Variants in ATF7IP observed in about 807,000 individuals in gnomAD.
The protein encoded by ATF7IP is activating transcription factor 7-interacting protein 1.
ATF7IP carries 23 observed loss-of-function variants against 106.4 expected under a neutral mutation model. The ratio of observed to expected loss-of-function variants is 0.22; its 90% confidence interval spans 0.16 to 0.31. The LOEUF is 0.31. Among genes scored for constraint, ATF7IP ranks in the 10% least tolerant of loss-of-function variants. The pLI is 1.00. For missense variants in ATF7IP, 1,334 were observed against 1,524.3 expected, an observed-to-expected ratio of 0.88 and a Z score of 2.08; for synonymous variants, 542 against 539.0, an observed-to-expected ratio of 1.01 and a Z score of -0.08.
chr12:14,450,506 A>G (rs1461105179), intron 6 of ATF7IP, among the ~76,000 whole-genome samples: 1 of 152,198 alleles, frequency 6.6e-6, no homozygotes, highest in East Asian at 1.9e-4. Context: ...CATTCCTCAG[A>G]TAAACCAACT....
chr12:14,390,590 TAAATG>T (rs990180530), intron 1 of ATF7IP, among the ~76,000 whole-genome samples: 9 of 152,226 alleles, frequency 5.9e-5, no homozygotes, highest in African/African-American at 1.9e-4. Context: ...ACTGAACAGA[TAAATG>T]AAATAACATT....
intron 10 of ATF7IP, among the ~76,000 whole-genome samples, chr12:14,475,401 T>C (rs1944223718): frequency 6.6e-6 from 1 of 152,340 alleles, no homozygotes; most frequent in East Asian, 1.9e-4. Flanking sequence ...GATGATGGGT[T>C]ACTGGTCAGC....
intron 1 of ATF7IP, among the ~76,000 whole-genome samples, chr12:14,390,200 C>T (rs954676376): frequency 2.6e-5 from 4 of 152,190 alleles, no homozygotes; most frequent in African/African-American, 9.6e-5. Context: ...AATATAACTT[C>T]TAACCCAAAA....
At chr12:14,407,822 A>G (rs1310621524) in intron 1 of ATF7IP, among the ~76,000 whole-genome samples, 1 of 152,148 alleles carries the variant, frequency 6.6e-6, no homozygotes, top group Admixed American at 6.5e-5. Flanking sequence ...ATAAGACACT[A>G]CTTTTTGTGG....
In ATF7IP at chr12:14,457,244, A is replaced by G; in HGVS notation, c.2107A>G (p.Arg703Gly). Residue 703 changes from arginine to glycine, a missense_variant, in exon 8 of 15, where the codon AGA becomes GGA. By Grantham distance (125) the Arg-to-Gly change is moderately radical. Coordinates refer to ENST00000261168, the MANE Select transcript of ATF7IP (RefSeq NM_018179.5). ...GTVRQMLESK[R>G]NVSESAPPSF... ...AGTGAGACAGATGCTGGAGTCCAAA[A>G]GAAATGTAAGCGAGAGTGCACCACC... 1.2e-6 allele frequency: 2 copies of G among 1,613,968 alleles called. No homozygotes were observed. Among genetic ancestry groups the G allele is most frequent in the Non-Finnish European group, 1.7e-6 (2 of 1,179,968 alleles).
chr12:14,370,749 CAA>C lies in ATF7IP; in HGVS notation c.-8+4923_-8+4924del, dbSNP rs780593620. ...ATTTTAGTAGGGATGAATTAGGAGA[CAA>C]TATAAGGTTATATTTCTGTTTTCAA... is the stretch of plus-strand genomic sequence containing the variant. On this transcript the variant is annotated intron_variant, in intron 1 of 14. Coordinates refer to ENST00000261168, the MANE Select transcript of ATF7IP (RefSeq NM_018179.5). Among the ~76,000 whole-genome samples the C allele has an allele frequency of 3.6e-4, 54 of 151,928 alleles. 1 individual carries two copies. Among genetic ancestry groups the C allele is most frequent in the Admixed American group, 5.2e-4 (8 of 15,268 alleles).
chr12:14,443,298 T>C (rs953937651), intron 5 of ATF7IP, among the ~76,000 whole-genome samples: 6 of 152,198 alleles, frequency 3.9e-5, no homozygotes, highest in African/African-American at 1.4e-4. Context: ...TCTTGTCTGA[T>C]GTAAACTGTT....
At chr12:14,382,853 A>G (rs1939052901) in intron 1 of ATF7IP, among the ~76,000 whole-genome samples, 1 of 152,214 alleles carries the variant, frequency 6.6e-6, no homozygotes, top group South Asian at 2.1e-4. Flanking sequence ...AGATATTGAG[A>G]GAGTAATGAT....
intron 13 of ATF7IP, among the ~76,000 whole-genome samples, chr12:14,483,828 A>G (rs917222660): frequency 2.0e-5 from 3 of 152,124 alleles, no homozygotes; most frequent in African/African-American, 7.2e-5. Context: ...AAAGGGGAAC[A>G]TGGTAAGACC....
intron 1 of ATF7IP, among the ~76,000 whole-genome samples, chr12:14,386,448 A>G (rs889805348): frequency 1.3e-5 from 2 of 152,150 alleles, no homozygotes; most frequent in Non-Finnish European, 2.9e-5. Context: ...GTAGAGTATT[A>G]AGAATATATC....
At position 14,481,047 on chromosome 12, in the gene ATF7IP, A is replaced by T. The variant is rs755408285; in HGVS notation, c.3142A>T (p.Thr1048Ser). The T allele has an allele frequency of 2.5e-6, 4 of 1,613,972 alleles. No homozygotes were observed. In the Admixed American group the frequency reaches 5.0e-5, roughly 20 times the overall value. The change falls in exon 13 of 15, where the codon ACC becomes TCC. Residue 1048 changes from threonine (T) to serine (S), a missense_variant. Physicochemically the swap from Thr to Ser is moderately conservative, Grantham distance 58. Coordinates refer to ENST00000261168, the MANE Select transcript of ATF7IP (RefSeq NM_018179.5). The stretch of plus-strand genomic sequence containing the variant: ...AACACATCGTCCAGTAACTCAGGTG[A>T]CCACAAGACTCCCTGTACCAAGAGC... ...NVTHRPVTQVTTRLPVPRAPA... is the reference protein window; with the variant it reads ...NVTHRPVTQVSTRLPVPRAPA...
At chr12:14,391,998 G>C (rs1022386194) in intron 1 of ATF7IP, among the ~76,000 whole-genome samples, 4 of 152,210 alleles carry the variant, frequency 2.6e-5, no homozygotes, top group Non-Finnish European at 5.9e-5. Flanking sequence ...TGGGATTACA[G>C]GTGTGAGCCA....
intron 13 of ATF7IP, among the ~76,000 whole-genome samples, chr12:14,492,366 G>T (rs1005575569): frequency 2.0e-5 from 3 of 152,088 alleles, no homozygotes; most frequent in Non-Finnish European, 4.4e-5. Context: ...AGTTACCCTG[G>T]TAAAAGGCCA....
At chr12:14,473,290 C>CTGTG (rs869266316) in intron 10 of ATF7IP, among the ~76,000 whole-genome samples, 9 of 130,028 alleles carry the variant, frequency 6.9e-5, no homozygotes, top group African/African-American at 2.7e-4. Context: ...CTCTCTCTCT[C>CTGTG]TGTGTGTGTG....
At chr12:14,471,072 G>T (rs73306120) in intron 10 of ATF7IP, among the ~76,000 whole-genome samples, 10 of 152,012 alleles carry the variant, frequency 6.6e-5, no homozygotes, top group Non-Finnish European at 1.2e-4. Context: ...GTTTAATTTC[G>T]TAATATTTGG....
chr12:14,495,234 ACAGGCCCACC>A, intron 13 of ATF7IP, among the ~76,000 whole-genome samples: 1 of 152,286 alleles, frequency 6.6e-6, no homozygotes, highest in East Asian at 1.9e-4. Context: ...CAACATCCTC[ACAGGCCCACC>A]CAGGGTTAAT....
chr12:14,424,537 G>A lies in ATF7IP; in HGVS notation c.622G>A (p.Asp208Asn), dbSNP rs376462723. The A allele has an allele frequency of 1.3e-5, 21 of 1,614,058 alleles. No homozygotes were observed. The African/African-American group carries it at 1.6e-4, about 12-fold the overall frequency. The change falls in exon 2 of 15, where the codon GAT becomes AAT. Residue 208 changes from aspartate (D) to asparagine (N), a missense_variant. By Grantham distance (23) the Asp-to-Asn change is conservative. This residue lies in a region of ATF7IP where 438 missense variants were observed against 405.3 expected (regional missense o/e 1.08). Coordinates refer to ENST00000261168, the MANE Select transcript of ATF7IP (RefSeq NM_018179.5). Reference sequence around the variant, plus strand: ...CTCCTCTGGTGATCCCACCTCTAGTGATCCCATCCCAGGTGAACCGGTCCC... The same window carrying A: ...CTCCTCTGGTGATCCCACCTCTAGTAATCCCATCCCAGGTGAACCGGTCCC... ...DLSSGDPTSS[D>N]PIPGEPVPVE...
rs1944827220 is a variant in ATF7IP, at chr12:14,491,572, G to A, written c.3281-4659G>A. On this transcript the variant is annotated intron_variant, in intron 13 of 14. Transcript: ENST00000261168. ...TGGAGCAGTGTGGTATCTTGCAGGA[G>A]CAAAAAGTGATCAAGGTCTCTCTGA... Among the ~76,000 whole-genome samples the A allele has an allele frequency of 2.0e-5, 3 of 152,280 alleles. No homozygotes were observed. The South Asian group carries it at 6.2e-4, about 32-fold the overall frequency.
intron 13 of ATF7IP, among the ~76,000 whole-genome samples, chr12:14,491,674 C>T (rs577870166): frequency 6.6e-6 from 1 of 152,326 alleles, no homozygotes; most frequent in Admixed American, 6.5e-5. Context: ...TGTCTTTGCC[C>T]ACTGAAGGCA....
Sources: gnomAD v4.1 joint callset for allele counts (sites outside exome capture counted in the v4.1 genomes callset) on GRCh38, gnomAD v4.1.1 for gene constraint, gnomAD v4.1.1 regional missense constraint, MANE v1.5 for transcripts, NCBI Gene and HGNC (gene_info 2026-07-23, HGNC 2026-07-21) for gene names.